Variants in PRELID2 observed in about 807,000 individuals in gnomAD.
The protein encoded by PRELID2 is PRELI domain-containing protein 2.
PRELID2 carries 25 observed loss-of-function variants against 28.4 expected under a neutral mutation model. The observed-to-expected ratio is 0.88, with a 90% CI of 0.64 to 1.23. The LOEUF is 1.23. PRELID2 is among the 50% of genes most tolerant of loss of function. The pLI is 0.00. For synonymous variants in PRELID2, 76 were observed against 71.6 expected (o/e 1.06, Z -0.31); for missense variants, 201 against 214.4 (o/e 0.94, Z 0.39).
chr5:145,744,013 TC>T (rs1756916722), intron 1 of PRELID2, among the ~76,000 whole-genome samples: 1 of 152,160 alleles, frequency 6.6e-6, no homozygotes, highest in Non-Finnish European at 1.5e-5. Flanking sequence ...GACAGCTTGG[TC>T]CCAAGATGTA....
chr5:145,302,821 A>T, the PRELID2 span, among the ~76,000 whole-genome samples: 1 of 152,164 alleles, frequency 6.6e-6, no homozygotes. Flanking sequence ...TAGTAGTAAC[A>T]GTAGTAAAGG....
intron 1 of PRELID2, among the ~76,000 whole-genome samples, chr5:145,590,435 A>G (rs1225739273): frequency 6.6e-6 from 1 of 152,046 alleles, no homozygotes; most frequent in Non-Finnish European, 1.5e-5. Flanking sequence ...TTTATTGTTT[A>G]TCTCTCCCAC....
At chr5:145,382,927 T>C in the PRELID2 span, among the ~76,000 whole-genome samples, 1 of 151,782 alleles carries the variant, frequency 6.6e-6, no homozygotes, top group Non-Finnish European at 1.5e-5. Flanking sequence ...TACCAAAATA[T>C]ATAACAATGA....
chr5:145,356,045 T>C, the PRELID2 span, among the ~76,000 whole-genome samples: 1 of 152,174 alleles, frequency 6.6e-6, no homozygotes, highest in Non-Finnish European at 1.5e-5. Flanking sequence ...AATGTCTTAC[T>C]AAAACTCTCC....
At chr5:145,778,424 T>C (rs962920953) in intron 5 of PRELID2, among the ~76,000 whole-genome samples, 5 of 152,140 alleles carry the variant, frequency 3.3e-5, no homozygotes, top group Non-Finnish European at 5.9e-5. Flanking sequence ...ACACTGTGAG[T>C]TCCCTCTGAG....
chr5:145,589,532 A>G (rs1187213685), intron 1 of PRELID2, among the ~76,000 whole-genome samples: 2 of 152,154 alleles, frequency 1.3e-5, no homozygotes, highest in Non-Finnish European at 2.9e-5. Context: ...TCAATAAACT[A>G]TATTTTATTT....
At chr5:145,702,062 A>T (rs1529706) in intron 1 of PRELID2, among the ~76,000 whole-genome samples, 151,363 of 151,760 alleles carry the variant, frequency 1, 75,485 homozygotes, top group Admixed American at 1. Flanking sequence ...GAAAAAAAAA[A>T]ATATATATAT....
the PRELID2 span, among the ~76,000 whole-genome samples, chr5:145,311,926 A>G: frequency 9.9e-5 from 15 of 152,244 alleles, no homozygotes; most frequent in African/African-American, 3.6e-4. Context: ...TGAAATGAAA[A>G]ATTGTATATT....
At chr5:145,661,836 A>T (rs984033030) in intron 1 of PRELID2, among the ~76,000 whole-genome samples, 1 of 152,086 alleles carries the variant, frequency 6.6e-6, no homozygotes, top group South Asian at 2.1e-4. Context: ...GTTAGAATTG[A>T]GGAAATAATA....
chr5:145,642,418 C>T (rs970780124), intron 1 of PRELID2, among the ~76,000 whole-genome samples: 8 of 152,052 alleles, frequency 5.3e-5, no homozygotes, highest in Non-Finnish European at 1.0e-4. Flanking sequence ...GATATTAGCC[C>T]TTTGTCAGAT....
rs189750516 is a variant in PRELID2, at chr5:145,582,000, T to A, written n.71-108685A>T. 2.4e-4 allele frequency among the ~76,000 whole-genome samples: 36 copies of A among 152,132 alleles called. No individual in the cohort carries two copies. The East Asian group carries it at 6.4e-3, about 27-fold the overall frequency. On this transcript the variant is annotated intron_variant and non_coding_transcript_variant, in intron 1 of 2. Transcript: ENST00000510259. ...CACAGAAAATAATCCTGTACATGAG[T>A]ATTGCTCAACCACAGGGACAGTCCT...
chr5:145,386,510 C>A, the PRELID2 span, among the ~76,000 whole-genome samples: 1 of 152,008 alleles, frequency 6.6e-6, no homozygotes, highest in African/African-American at 2.4e-5. Context: ...GTAAGACATG[C>A]CCCTTCCCCT....
chr5:145,311,256 A>G, the PRELID2 span, among the ~76,000 whole-genome samples: 1 of 152,184 alleles, frequency 6.6e-6, no homozygotes, highest in Non-Finnish European at 1.5e-5. Flanking sequence ...TGCCAGGGCC[A>G]GGGAAGGGAG....
At chr5:145,829,929 A>G (rs1755470327) in intron 1 of PRELID2, among the ~76,000 whole-genome samples, 1 of 152,224 alleles carries the variant, frequency 6.6e-6, no homozygotes. Flanking sequence ...GTAAACATTC[A>G]AACCATTTTG....
At chr5:145,671,294 T>A (rs907541865) in intron 1 of PRELID2, among the ~76,000 whole-genome samples, 5 of 152,178 alleles carry the variant, frequency 3.3e-5, no homozygotes, top group African/African-American at 1.2e-4. Flanking sequence ...TTGAACCCAG[T>A]TAGTCCATGC....
chr5:145,395,421 A>C, the PRELID2 span, among the ~76,000 whole-genome samples: 52 of 152,128 alleles, frequency 3.4e-4, no homozygotes, highest in African/African-American at 1.1e-3. Context: ...TCCCAACTTA[A>C]TTTTCCTCAG....
At position 145,732,764 on chromosome 5, in the gene PRELID2, T is replaced by A. The variant is rs555848730; in HGVS notation, n.70+32167A>T. 8.5e-5 allele frequency among the ~76,000 whole-genome samples: 13 copies of A among 152,212 alleles called. No individual in the cohort carries two copies. The South Asian group carries it at 2.7e-3, about 32-fold the overall frequency. On this transcript the variant is annotated intron_variant and non_coding_transcript_variant, in intron 1 of 2. Transcript: ENST00000510259. Reference sequence around the variant, plus strand: ...ATACTAATTGTCTTTCAATGATACATAACTATCCAAGAGCAAGTATTAAAT... The same window carrying A: ...ATACTAATTGTCTTTCAATGATACAAAACTATCCAAGAGCAAGTATTAAAT...
the PRELID2 span, among the ~76,000 whole-genome samples, chr5:145,435,705 C>G: frequency 6.6e-6 from 1 of 152,020 alleles, no homozygotes; most frequent in East Asian, 1.9e-4. Context: ...TATAAAGGGA[C>G]TTTATAATAT....
chr5:145,510,076 C>T (rs1033122056), intron 1 of PRELID2, among the ~76,000 whole-genome samples: 3 of 152,162 alleles, frequency 2.0e-5, no homozygotes, highest in Admixed American at 6.5e-5. Context: ...GGAGTATTAT[C>T]ATTCAACTTG....
Sources: allele counts gnomAD v4.1 joint callset (sites outside exome capture counted in the v4.1 genomes callset), GRCh38; gene constraint gnomAD v4.1.1; transcripts MANE v1.5; gene names NCBI Gene and HGNC (gene_info 2026-07-23, HGNC 2026-07-21).